Variants in ERAP1 observed in about 807,000 individuals in gnomAD.
ERAP1 encodes the protein adipocyte-derived leucine aminopeptidase.
A neutral mutation model predicts 103.7 loss-of-function variants in ERAP1; 86 were observed. The observed-to-expected ratio is 0.83, with a 90% CI of 0.70 to 0.99. ERAP1 has a LOEUF of 0.99. Ranked by LOEUF, ERAP1 falls within the 50% of genes least tolerant of loss-of-function variation. The pLI, the probability that ERAP1 is intolerant of heterozygous loss-of-function variation, is 0.00. For synonymous variants in ERAP1, 398 were observed against 402.4 expected, an observed-to-expected ratio of 0.99 and a Z score of 0.13; for missense variants, 1,009 against 1,128.4, an observed-to-expected ratio of 0.89 and a Z score of 1.52.
chr5:96,762,900 G>T, exon 20 of ERAP1: 1 of 444,290 alleles, frequency 2.3e-6, no homozygotes. Context: ...AAGAACCTCA[G>T]CATCAATATT....
At chr5:96,859,095 A>ACACACACACC in the ERAP1 span, among the ~76,000 whole-genome samples, 2 of 151,354 alleles carry the variant, frequency 1.3e-5, no homozygotes, top group Non-Finnish European at 2.9e-5. Flanking sequence ...ACACACACAC[A>ACACACACACC]CACACACACA....
chr5:96,827,201 G>A, the ERAP1 span, among the ~76,000 whole-genome samples: 1 of 152,218 alleles, frequency 6.6e-6, no homozygotes, highest in African/African-American at 2.4e-5. Flanking sequence ...AAAGGCAGGG[G>A]AAGTCAGTGT....
chr5:96,868,383 T>C, the ERAP1 span, among the ~76,000 whole-genome samples: 1 of 152,204 alleles, frequency 6.6e-6, no homozygotes, highest in Non-Finnish European at 1.5e-5. Flanking sequence ...AGAGCATTAA[T>C]ACCTAAACTT....
chr5:96,781,606 G>A, intron 16 of ERAP1, 87 bp downstream of exon 16: 5 of 1,560,542 alleles, frequency 3.2e-6, no homozygotes, highest in Non-Finnish European at 4.4e-6. Context: ...GCAATTCCTG[G>A]CCAAGAAAAC....
At position 96,780,519 on chromosome 5, in the gene ERAP1, A is replaced by T. The variant is rs375203626; in HGVS notation, c.2589-15T>A. ...CAAGTTCAAACCTAGAGAGGGAAAT[A>T]TTCAAAAACGGGTTGTGAAATACTT... On this transcript the variant is annotated splice_polypyrimidine_tract_variant and intron_variant, in intron 17 of 18. Coordinates refer to ENST00000443439, the MANE Select transcript of ERAP1 (RefSeq NM_001040458.3). The T allele has an allele frequency of 8.8e-6, 14 of 1,592,526 alleles. No individual in the cohort carries two copies. The highest frequency in any genetic ancestry group is 1.2e-5 in the Non-Finnish European group (14 of 1,160,458).
the ERAP1 span, among the ~76,000 whole-genome samples, chr5:96,839,050 A>G: frequency 6.6e-6 from 1 of 152,224 alleles, no homozygotes; most frequent in Admixed American, 6.5e-5. Flanking sequence ...ACAGAACCCA[A>G]GAAAACACTA....
chr5:96,827,227 AGAG>A, the ERAP1 span, among the ~76,000 whole-genome samples: 7 of 152,238 alleles, frequency 4.6e-5, no homozygotes, highest in African/African-American at 1.4e-4. Flanking sequence ...GAAATTGCAA[AGAG>A]TAGTTCTCGT....
chr5:96,767,928 C>T, intron 19 of ERAP1: 1 of 1,613,214 alleles, frequency 6.2e-7, no homozygotes, highest in Non-Finnish European at 8.5e-7. Flanking sequence ...TGACCAAGAC[C>T]CCATTGATGC....
the ERAP1 span, among the ~76,000 whole-genome samples, chr5:96,836,350 A>T: frequency 1.3e-5 from 2 of 151,820 alleles, no homozygotes; most frequent in Non-Finnish European, 2.9e-5. Flanking sequence ...TACAGGCCTG[A>T]GCCACCACAC....
the ERAP1 span, among the ~76,000 whole-genome samples, chr5:96,899,756 T>C: frequency 1.9e-4 from 29 of 152,298 alleles, no homozygotes; most frequent in South Asian, 6.0e-3. Context: ...GTTGCCTACA[T>C]GCTAAATAGG....
chr5:96,886,908 T>G, the ERAP1 span: 1 of 1,002,690 alleles, frequency 1.0e-6, no homozygotes, highest in African/African-American at 1.7e-5. Context: ...CAAGAAGAGA[T>G]AGATAAAAAA....
At chr5:96,909,133 A>G in the ERAP1 span, 8 of 1,612,114 alleles carry the variant, frequency 5.0e-6, no homozygotes, top group East Asian at 2.2e-5. Flanking sequence ...TGTTGCTTTT[A>G]GAAAATGTAT....
the ERAP1 span, chr5:96,814,005 GT>G: frequency 8.5e-6 from 2 of 235,844 alleles, no homozygotes; most frequent in Non-Finnish European, 1.7e-5. Context: ...ATCTATTATT[GT>G]GTATCAATAA....
At chr5:96,800,353 C>G (rs921826332) in intron 3 of ERAP1, among the ~76,000 whole-genome samples, 2 of 152,174 alleles carry the variant, frequency 1.3e-5, no homozygotes, top group African/African-American at 4.8e-5. Flanking sequence ...ACCTTCAGCA[C>G]CATAATATTT....
At chr5:96,809,721 A>C (rs28050), upstream of ERAP1, among the ~76,000 whole-genome samples, 1 of 151,990 alleles carries the variant, frequency 6.6e-6, no homozygotes, top group South Asian at 2.1e-4. Context: ...AGGAGGTATC[A>C]ATGGATAGCG....
intron 3 of ERAP1, among the ~76,000 whole-genome samples, chr5:96,800,096 G>C (rs1251390720): frequency 6.6e-6 from 1 of 152,226 alleles, no homozygotes; most frequent in Non-Finnish European, 1.5e-5. Flanking sequence ...CTGATCCCCA[G>C]TGAGTTTCTC....
chr5:96,931,074 C>T, the ERAP1 span, among the ~76,000 whole-genome samples: 4 of 152,012 alleles, frequency 2.6e-5, no homozygotes, highest in Non-Finnish European at 4.4e-5. Context: ...GGCAACAAGG[C>T]TGTAAATCAA....
At chr5:96,838,683 A>G in the ERAP1 span, among the ~76,000 whole-genome samples, 1 of 152,168 alleles carries the variant, frequency 6.6e-6, no homozygotes, top group Admixed American at 6.5e-5. Context: ...AAGTCCACAC[A>G]TGACAACAGC....
intron 13 of ERAP1, chr5:96,785,538 G>A (rs906430751): frequency 1.9e-5 from 9 of 477,252 alleles, no homozygotes; most frequent in African/African-American, 7.9e-5. Flanking sequence ...CTACACTTCC[G>A]CCTCAGTATG....
Sources: allele counts gnomAD v4.1 joint callset (sites outside exome capture counted in the v4.1 genomes callset), GRCh38; gene constraint gnomAD v4.1.1; transcripts MANE v1.5; gene names NCBI Gene and HGNC (gene_info 2026-07-23, HGNC 2026-07-21).